The following GPR158 variants were observed in gnomAD, a reference collection of about 807,000 sequenced individuals.
GPR158 encodes the protein G protein-coupled receptor 158.
A neutral mutation model predicts 78.2 loss-of-function variants in GPR158; 30 were observed. That is an observed-to-expected ratio of 0.38 (90% CI 0.29 to 0.52). The LOEUF (loss-of-function observed/expected upper bound fraction) is 0.52, where lower values mean the gene tolerates loss of function less well. Ranked by LOEUF, GPR158 falls within the 20% of genes least tolerant of loss-of-function variation. The pLI is 0.83. For missense variants in GPR158, 1,463 were observed against 1,523.5 expected (o/e 0.96, Z 0.66); for synonymous variants, 581 against 591.1 (o/e 0.98, Z 0.25).
chr10:25,595,313 C>T (rs1161925248), intron 9 of GPR158, among the ~76,000 whole-genome samples: 1 of 152,150 alleles, frequency 6.6e-6, no homozygotes, highest in Non-Finnish European at 1.5e-5. Flanking sequence ...CAACTAGACA[C>T]AAGTATTTGT....
intron 5 of GPR158, among the ~76,000 whole-genome samples, chr10:25,523,952 A>T (rs1429033162): frequency 1.3e-5 from 2 of 152,226 alleles, no homozygotes; most frequent in Non-Finnish European, 2.9e-5. Context: ...CACAAAAAAA[A>T]GATCTTTAGA....
intron 2 of GPR158, among the ~76,000 whole-genome samples, chr10:25,387,263 G>A (rs942124841): frequency 1.3e-5 from 2 of 152,104 alleles, no homozygotes; most frequent in Non-Finnish European, 2.9e-5. Flanking sequence ...CTGTTGATGT[G>A]TGTAACTACA....
chr10:25,233,554 A>C (rs999904475), intron 2 of GPR158, among the ~76,000 whole-genome samples: 1 of 152,204 alleles, frequency 6.6e-6, no homozygotes, highest in Admixed American at 6.5e-5. Context: ...GTACAAACTG[A>C]GCAACCCTGC....
At chr10:25,511,481 C>G (rs912146734) in intron 5 of GPR158, among the ~76,000 whole-genome samples, 2 of 152,102 alleles carry the variant, frequency 1.3e-5, no homozygotes, top group Non-Finnish European at 2.9e-5. Flanking sequence ...TTTTCTTCCA[C>G]TCTCTGGGTT....
At chr10:25,387,282 T>G (rs1343747126) in intron 2 of GPR158, among the ~76,000 whole-genome samples, 1 of 152,204 alleles carries the variant, frequency 6.6e-6, no homozygotes, top group East Asian at 1.9e-4. Context: ...CACTGATTGC[T>G]TTTTGTGTGT....
intron 5 of GPR158, among the ~76,000 whole-genome samples, chr10:25,482,214 C>T (rs1171077125): frequency 1.3e-5 from 2 of 152,052 alleles, no homozygotes; most frequent in African/African-American, 4.8e-5. Context: ...GACAGGGTCT[C>T]ACTCTATTGC....
At chr10:25,557,219 CCCTA>C (rs920688471) in intron 6 of GPR158, among the ~76,000 whole-genome samples, 42 of 152,238 alleles carry the variant, frequency 2.8e-4, no homozygotes, top group African/African-American at 9.1e-4. Flanking sequence ...GTTTTACAAA[CCCTA>C]CCTATTTGTC....
rs914014320 is a variant in GPR158, at chr10:25,431,416, G to A, written c.1335+18943G>A. On this transcript the variant is annotated intron_variant, in intron 4 of 10. Transcript: ENST00000376351. ...ACACTTTTACACTGTTGGTGGGACTGTAAACTAGTTCACCCATTGTGGAAG... is the reference window on the plus strand; with the variant it reads ...ACACTTTTACACTGTTGGTGGGACTATAAACTAGTTCACCCATTGTGGAAG... 6.1e-5 allele frequency among the ~76,000 whole-genome samples: 9 copies of A among 147,010 alleles called. No homozygotes were observed. In the South Asian group the frequency reaches 9.0e-4, roughly 15 times the overall value.
At chr10:25,345,548 A>G (rs79958505) in intron 2 of GPR158, among the ~76,000 whole-genome samples, 6,017 of 152,102 alleles carry the variant, frequency 0.04, 400 homozygotes, top group African/African-American at 0.14. Context: ...TGCCGACTAA[A>G]CATGGAGAGA....
intron 5 of GPR158, 104 bp downstream of exon 5, chr10:25,466,823 TTACTAGGAA>T: frequency 1.8e-6 from 1 of 542,502 alleles, no homozygotes; most frequent in Non-Finnish European, 3.1e-6. Context: ...CACCCTGGTG[TTACTAGGAA>T]GTGTGGAGGT....
intron 2 of GPR158, among the ~76,000 whole-genome samples, chr10:25,361,879 C>T (rs76819920): frequency 0.01 from 1,592 of 151,900 alleles, 27 homozygotes; most frequent in African/African-American, 0.037. Flanking sequence ...TGGATATTAA[C>T]CCTTTTTCAT....
intron 1 of GPR158, among the ~76,000 whole-genome samples, chr10:25,218,465 A>G (rs1013520719): frequency 3.9e-5 from 6 of 152,174 alleles, no homozygotes; most frequent in Non-Finnish European, 5.9e-5. Context: ...AAGTTAGCCG[A>G]TGTCTGAGTA....
intron 2 of GPR158, among the ~76,000 whole-genome samples, chr10:25,360,534 CG>C: frequency 6.6e-6 from 1 of 151,428 alleles, no homozygotes; most frequent in East Asian, 1.9e-4. Context: ...TTGTTTTTGT[CG>C]GGTTTGTCAA....
chr10:25,207,459 G>A (rs1853058518), intron 1 of GPR158, among the ~76,000 whole-genome samples: 1 of 152,114 alleles, frequency 6.6e-6, no homozygotes, highest in South Asian at 2.1e-4. Flanking sequence ...TGGGGAAGGG[G>A]GATGGTTTCA....
chr10:25,189,306 A>G (rs1361737236), intron 1 of GPR158, among the ~76,000 whole-genome samples: 1 of 152,234 alleles, frequency 6.6e-6, no homozygotes, highest in Non-Finnish European at 1.5e-5. Flanking sequence ...AGGATTATAA[A>G]TCATGCTGCT....
At chr10:25,578,128 A>G (rs1430390056) in intron 7 of GPR158, among the ~76,000 whole-genome samples, 1 of 152,212 alleles carries the variant, frequency 6.6e-6, no homozygotes, top group Non-Finnish European at 1.5e-5. Context: ...ACTACTCATC[A>G]TTATATGACT....
intron 2 of GPR158, among the ~76,000 whole-genome samples, chr10:25,372,272 G>C (rs1441629473): frequency 1.3e-5 from 2 of 151,878 alleles, no homozygotes; most frequent in Non-Finnish European, 2.9e-5. Flanking sequence ...ACTATAAACT[G>C]GTTCAACCAT....
intron 2 of GPR158, among the ~76,000 whole-genome samples, chr10:25,275,450 C>T (rs970769347): frequency 1.1e-4 from 16 of 152,192 alleles, no homozygotes; most frequent in Non-Finnish European, 2.1e-4. Context: ...GTTAGCCCCT[C>T]GTTAACTACT....
At chr10:25,591,645 G>T (rs141838951) in intron 8 of GPR158, among the ~76,000 whole-genome samples, 58 of 152,262 alleles carry the variant, frequency 3.8e-4, no homozygotes, top group African/African-American at 1.3e-3. Context: ...GGTAGCAAGT[G>T]TGACACAGAA....
Sources: gnomAD v4.1 joint callset for allele counts (sites outside exome capture counted in the v4.1 genomes callset) on GRCh38, gnomAD v4.1.1 for gene constraint, MANE v1.5 for transcripts, NCBI Gene and HGNC (gene_info 2026-07-23, HGNC 2026-07-21) for gene names.